The following HMCN2 variants were observed in gnomAD, a reference collection of about 807,000 sequenced individuals.
The protein encoded by HMCN2 is hemicentin 2.
HMCN2 carries 325 observed loss-of-function variants against 377.5 expected under a neutral mutation model. That is an observed-to-expected ratio of 0.86 (90% CI 0.79 to 0.94). The LOEUF (loss-of-function observed/expected upper bound fraction) is 0.94, where lower values mean the gene tolerates loss of function less well. Ranked by LOEUF, HMCN2 falls within the 40% of genes least tolerant of loss-of-function variation. HMCN2 has a pLI of 0.00. For synonymous variants in HMCN2, 2,007 were observed against 2,046.8 expected (o/e 0.98, Z 0.53); for missense variants, 4,543 against 4,725.3 (o/e 0.96, Z 1.13).
chr9:130,329,715 T>A (rs1039267364), intron 22 of HMCN2, among the ~76,000 whole-genome samples: 1 of 152,168 alleles, frequency 6.6e-6, no homozygotes, highest in Admixed American at 6.5e-5. Context: ...AGTGCTGGGA[T>A]TACAGGCGTG....
chr9:130,371,376 T>C (rs1841010238), intron 46 of HMCN2, among the ~76,000 whole-genome samples: 1 of 147,552 alleles, frequency 6.8e-6, no homozygotes, highest in Non-Finnish European at 1.5e-5. Context: ...AGAACCACAA[T>C]GAACATTTGC....
At chr9:130,305,451 G>A (rs782803003) in intron 11 of HMCN2, among the ~76,000 whole-genome samples, 1 of 152,160 alleles carries the variant, frequency 6.6e-6, no homozygotes, top group Non-Finnish European at 1.5e-5. Context: ...ACCCATCTGG[G>A]AGTTTTAAGA....
intron 4 of HMCN2, among the ~76,000 whole-genome samples, chr9:130,288,110 A>G (rs1588176468): frequency 2.0e-5 from 3 of 152,296 alleles, no homozygotes; most frequent in South Asian, 4.1e-4. Context: ...GGGGAGAACT[A>G]TCTGGCCAAT....
rs536896772 is a variant in HMCN2 at position 130,430,493 on chromosome 9, G to C, written c.14536G>C (p.Gly4846Arg). 8.4e-6 allele frequency: 13 copies of C among 1,550,356 alleles called. No homozygotes were observed. The South Asian group carries it at 1.4e-4, about 17-fold the overall frequency. ...GCTGCGGCCCTGGGCCTCGATCCCC[G>C]GTACCTCCTACCACGCCTGGGTCTC... is the stretch of plus-strand genomic sequence containing the variant. Reference protein sequence around the residue: ...PWLRPWASIPGTSYHAWVSLR... With the variant: ...PWLRPWASIPRTSYHAWVSLR... Residue 4846 changes from glycine to arginine, a missense_variant, in exon 95 of 98, where the codon GGT becomes CGT. Around this residue, in one of 5 missense-constraint regions of HMCN2, gnomAD observed 1,155 missense variants for 1,157.7 expected, o/e 1.00. Transcript: ENST00000683500.
chr9:130,321,024 C>A (rs878987413), intron 18 of HMCN2, 121 bp downstream of exon 18: 22,551 of 152,208 alleles, frequency 0.15, 2,209 homozygotes, highest in East Asian at 0.47. Flanking sequence ...CTCTTCCTTC[C>A]ACCCTCTTTT....
At position 130,388,672 on chromosome 9, in the gene HMCN2, G is replaced by GCC. The variant is rs35750041; in HGVS notation, c.9523+142_9523+143dup. Reference sequence around the variant, plus strand: ...AACCAGAGACTGGCAGTGCCGTGTTGCCCCCCCCCCCACCATTTGTGTTTG... The same window carrying GCC: ...AACCAGAGACTGGCAGTGCCGTGTTGCCCCCCCCCCCCCACCATTTGTGTTTG... On this transcript the variant is annotated intron_variant, in intron 62 of 97. Coordinates refer to ENST00000683500, the MANE Select transcript of HMCN2 (RefSeq NM_001291815.2). The GCC allele has an allele frequency of 6.0e-5, 15 of 248,864 alleles. 1 individual carries two copies. The highest frequency in any genetic ancestry group is 2.8e-4 in the African/African-American group (12 of 42,164). The allele number at this position is 248,864 out of a possible 1,614,324, so 15.4% of individuals were successfully genotyped here. A position where few individuals can be genotyped will look rare whatever the true frequency, so the allele number is the denominator to read the frequency against.
chr9:130,340,263 C>G (rs1838975726), intron 23 of HMCN2, among the ~76,000 whole-genome samples: 1 of 152,240 alleles, frequency 6.6e-6, no homozygotes. Context: ...ACTGCAGCCA[C>G]AGCATGCCAG....
Position 130,296,097 on chromosome 9 carries a change from C to T in HMCN2, c.891+325C>T, listed in dbSNP as rs1009200556. On this transcript the variant is annotated intron_variant, in intron 6 of 97. Coordinates refer to ENST00000683500, the MANE Select transcript of HMCN2 (RefSeq NM_001291815.2). ...CAACAGCAACTTTGGTGGGAGGGCT[C>T]AGTGGGGCAGGGCTGGCAGGAAGAG... Among the ~76,000 whole-genome samples, 3 of 152,118 alleles carry T rather than the reference C, an allele frequency of 2.0e-5. No individual in the cohort carries two copies. In the East Asian group the frequency reaches 5.8e-4, roughly 29 times the overall value.
Position 130,393,928 on chromosome 9 carries a change from C to T in HMCN2, c.10421C>T (p.Ala3474Val). ...GPSLQLEAVG[A>V]GDSGTYSCVA... is the part of the protein sequence containing the mutation. Reference sequence around the variant, plus strand: ...AGCCTGCAGCTGGAGGCAGTGGGAGCTGGTGACTCGGGGACCTACTCCTGT... The same window carrying T: ...AGCCTGCAGCTGGAGGCAGTGGGAGTTGGTGACTCGGGGACCTACTCCTGT... The change falls in exon 68 of 98, where the codon GCT (alanine) becomes GTT (valine). Residue 3474 changes from alanine (A) to valine (V), a missense_variant. Ala to Val is a moderately conservative substitution (Grantham distance 64, BLOSUM62 0). Coordinates refer to ENST00000683500, the MANE Select transcript of HMCN2 (RefSeq NM_001291815.2). The surrounding 1 kb of genome is among the most constrained non-coding windows in gnomAD (Gnocchi z 5.2). 3.1e-6 allele frequency: 4 copies of T among 1,289,282 alleles called. No homozygotes were observed. The highest frequency in any genetic ancestry group is 4.0e-6 in the Non-Finnish European group (4 of 988,746). The allele number at this position is 1,289,282 out of a possible 1,614,324, so 79.9% of individuals were successfully genotyped here. A position where few individuals can be genotyped will look rare whatever the true frequency, so the allele number is the denominator to read the frequency against.
At chr9:130,295,638 G>T (rs1554931768) in intron 5 of HMCN2, 28 bp from the exon 6 acceptor site, 2 of 468,668 alleles carry the variant, frequency 4.3e-6, no homozygotes, top group South Asian at 3.1e-5. Flanking sequence ...AAGGGTTAGG[G>T]ACTGAGCAGC....
Position 130,348,624 on chromosome 9 carries a change from C to A in HMCN2, c.4104C>A (p.Asp1368Glu), listed in dbSNP as rs1197819475. 1 of 1,303,222 alleles carries A rather than the reference C, an allele frequency of 7.7e-7. No homozygotes were observed. The highest frequency in any genetic ancestry group is 1.0e-6 in the Non-Finnish European group (1 of 988,720). The allele number at this position is 1,303,222 out of a possible 1,614,324, so 80.7% of individuals were successfully genotyped here. Reference sequence around the variant, plus strand: ...GGCAGTCCCTGACGCTGGAGTGTGACGCGAACGGCTTTCCAGTCCCTGAGA... The same window carrying A: ...GGCAGTCCCTGACGCTGGAGTGTGAAGCGAACGGCTTTCCAGTCCCTGAGA... ...MAGQSLTLEC[D>E]ANGFPVPEIV... Residue 1368 changes from aspartate to glutamate, a missense_variant, in exon 27 of 98, where the codon GAC (aspartate) becomes GAA (glutamate). Physicochemically the swap from Asp to Glu is conservative, Grantham distance 45 (BLOSUM62 2). Coordinates refer to ENST00000683500, the MANE Select transcript of HMCN2 (RefSeq NM_001291815.2).
In HMCN2 at chr9:130,305,763, A is replaced by C. The variant is rs553283601; in HGVS notation, c.1817-366A>C. Among the ~76,000 whole-genome samples, 50 of 152,308 alleles carry C rather than the reference A, an allele frequency of 3.3e-4. No homozygotes were observed. In the East Asian group the frequency reaches 7.5e-3, roughly 23 times the overall value. On this transcript the variant is annotated intron_variant, in intron 11 of 97. Transcript: ENST00000683500. ...CTAAGCTTGGGGCCAATAGTAGGGC[A>C]GGCCTTGGGGTCAACCTCAAGGTCA...
intron 1 of HMCN2, among the ~76,000 whole-genome samples, chr9:130,283,584 C>T (rs2131272157): frequency 6.6e-6 from 1 of 152,328 alleles, no homozygotes; most frequent in Admixed American, 6.5e-5. Flanking sequence ...CAGACAGTTC[C>T]TTCCAAGTCA....
rs782248093 is a variant in HMCN2, at chr9:130,286,187, G to C, written c.490-1G>C. The C allele has an allele frequency of 3.2e-5, 15 of 470,714 alleles. No homozygotes were observed. The highest frequency in any genetic ancestry group is 6.6e-5 in the Non-Finnish European group (15 of 227,018). The allele number at this position is 470,714 out of a possible 1,614,324, so 29.2% of individuals were successfully genotyped here. ...GAGCAGGCTGCACGTCCATCTTCCA[G>C]GTGGTCTTTGTGCTGACGGGGGACT... On this transcript the variant is annotated splice_acceptor_variant, in intron 3 of 97. Transcript: ENST00000683500. LOFTEE classifies it high-confidence loss of function.
At chr9:130,425,527 C>T (rs1312195437) in intron 89 of HMCN2, among the ~76,000 whole-genome samples, 160 bp from the exon 90 acceptor site, 1 of 151,964 alleles carries the variant, frequency 6.6e-6, no homozygotes, top group South Asian at 2.1e-4. Flanking sequence ...CAAGGCTCAC[C>T]CCATCTTCTC....
In HMCN2 at chr9:130,410,581, C is replaced by T. The variant is rs776580974; in HGVS notation, c.12890C>T (p.Ala4297Val). 3.5e-5 allele frequency: 54 copies of T among 1,550,354 alleles called. No individual in the cohort carries two copies. The highest frequency in any genetic ancestry group is 1.6e-4 in the Admixed American group (8 of 50,956). ...LTIRRTERDD[A>V]GRYQCLAENE... Reference sequence around the variant, plus strand: ...TGTGCCCACTTGCAGAGGGACGATGCGGGACGGTACCAGTGCCTGGCAGAG... The same window carrying T: ...TGTGCCCACTTGCAGAGGGACGATGTGGGACGGTACCAGTGCCTGGCAGAG... The change falls in exon 85 of 98, where the codon GCG (alanine) becomes GTG (valine). Residue 4297 changes from alanine (A) to valine (V), a missense_variant. By Grantham distance (64) the Ala-to-Val change is moderately conservative (BLOSUM62 0). Coordinates refer to ENST00000683500, the MANE Select transcript of HMCN2 (RefSeq NM_001291815.2).
chr9:130,425,639 T>TCCC, intron 89 of HMCN2, 48 bp from the exon 90 acceptor site: 2 of 1,039,456 alleles, frequency 1.9e-6, no homozygotes, highest in South Asian at 1.4e-5. Flanking sequence ...GACCCCTTTC[T>TCCC]CCCTCTCCCC....
At chr9:130,380,350 C>T (rs764757281) in intron 54 of HMCN2, among the ~76,000 whole-genome samples, 9 of 152,228 alleles carry the variant, frequency 5.9e-5, no homozygotes, top group South Asian at 2.1e-4. Flanking sequence ...ATGAGGGAAG[C>T]GTGGGTGGTC....
chr9:130,299,828 T>TATTCATCCATCCACCCACCC (rs1554933724), intron 8 of HMCN2, among the ~76,000 whole-genome samples: 4 of 101,118 alleles, frequency 4.0e-5, no homozygotes, highest in Admixed American at 2.2e-4. Flanking sequence ...TTGACTCACC[T>TATTCATCCATCCACCCACCC]ATTCATCCAT....
Sources: gnomAD v4.1 joint callset for allele counts (sites outside exome capture counted in the v4.1 genomes callset) on GRCh38, gnomAD v4.1.1 for gene constraint, gnomAD v4.1.1 regional missense constraint, Gnocchi (gnomAD v3.1) non-coding constraint, MANE v1.5 for transcripts, NCBI Gene and HGNC (gene_info 2026-07-23, HGNC 2026-07-21) for gene names.